The following ATXN7 variants were observed in gnomAD, a reference collection of about 807,000 sequenced individuals.
ATXN7 encodes the protein ataxin 7, also known as ataxin-7.
In ATXN7, 12 loss-of-function variants were observed where a neutral mutation model predicts 70.5. The observed-to-expected ratio is 0.17, with a 90% CI of 0.11 to 0.28. The LOEUF is 0.28. Among genes scored for constraint, ATXN7 ranks in the 10% least tolerant of loss-of-function variants. ATXN7 has a pLI of 1.00. For synonymous variants in ATXN7, 498 were observed against 448.7 expected, an observed-to-expected ratio of 1.11 and a Z score of -1.39; for missense variants, 1,256 against 1,131.7, an observed-to-expected ratio of 1.11 and a Z score of -1.58.
At chr3:63,879,442 T>C (rs982249877) in intron 1 of ATXN7, among the ~76,000 whole-genome samples, 12 of 152,022 alleles carry the variant, frequency 7.9e-5, no homozygotes, top group Non-Finnish European at 1.6e-4. Flanking sequence ...AAGGTTAAGG[T>C]GCAAAAGGAA....
intron 4 of ATXN7, among the ~76,000 whole-genome samples, chr3:63,931,518 A>G (rs763927469): frequency 4.6e-5 from 7 of 152,212 alleles, no homozygotes; most frequent in African/African-American, 1.4e-4. Flanking sequence ...CTCTTGCTAC[A>G]GAGAGCAAAC....
At chr3:63,863,485 G>C (rs1467039855), upstream of ATXN7, 11 of 1,171,104 alleles carry the variant, frequency 9.4e-6, no homozygotes, top group East Asian at 4.1e-4. Context: ...CCAGCCCACC[G>C]ACCACGCTCC....
rs187509340 is a variant in ATXN7 at position 63,868,870 on chromosome 3, T to C, written c.-111+4712T>C. On this transcript the variant is annotated intron_variant, in intron 1 of 12. Transcript: ENST00000674280. ...ACAGGTAACCCAGGGACTTCATGGG[T>C]GGAAGTTACACTTATAACTTTAGTT... Among the ~76,000 whole-genome samples, 3 of 152,314 alleles carry C rather than the reference T, an allele frequency of 2.0e-5. No individual in the cohort carries two copies. The East Asian group carries it at 5.8e-4, about 29-fold the overall frequency.
chr3:63,913,423 G>T (rs1293366235), intron 4 of ATXN7, among the ~76,000 whole-genome samples, 198 bp downstream of exon 4: 3 of 152,142 alleles, frequency 2.0e-5, no homozygotes, highest in Non-Finnish European at 4.4e-5. Context: ...AGAGCGTCCG[G>T]AATCCTTCTG....
At chr3:63,877,368 A>C (rs73832002) in intron 1 of ATXN7, among the ~76,000 whole-genome samples, 78 of 152,380 alleles carry the variant, frequency 5.1e-4, no homozygotes, top group African/African-American at 1.7e-3. Context: ...AGCTGCTTAT[A>C]GAGTTCTCCA....
At chr3:63,983,982 T>C (rs1433461380) in intron 8 of ATXN7, among the ~76,000 whole-genome samples, 1 of 152,148 alleles carries the variant, frequency 6.6e-6, no homozygotes, top group Non-Finnish European at 1.5e-5. Context: ...ATTGTTAGTG[T>C]TTTACTTTAA....
chr3:63,931,907 C>G (rs192224327), intron 4 of ATXN7, among the ~76,000 whole-genome samples: 232 of 152,270 alleles, frequency 1.5e-3, no homozygotes, highest in African/African-American at 5.4e-3. Flanking sequence ...AGGGTGTGGG[C>G]TTTGAAATCA....
intron 4 of ATXN7, among the ~76,000 whole-genome samples, chr3:63,943,685 A>G (rs74322529): frequency 0.024 from 3,587 of 152,266 alleles, 78 homozygotes; most frequent in African/African-American, 0.059. Flanking sequence ...GAGTTCTTCT[A>G]TTCTGTGCCT....
chr3:63,993,132 C>G (rs1162454158), intron 11 of ATXN7, among the ~76,000 whole-genome samples: 2 of 152,306 alleles, frequency 1.3e-5, no homozygotes, highest in Non-Finnish European at 2.9e-5. Flanking sequence ...CCAGCACTTT[C>G]TCTGCAGCAT....
chr3:63,880,098 AAG>A (rs1053648389), intron 1 of ATXN7, among the ~76,000 whole-genome samples: 11 of 152,130 alleles, frequency 7.2e-5, no homozygotes, highest in African/African-American at 2.7e-4. Context: ...AAAAGAAAAA[AAG>A]AACAGATTTT....
At chr3:63,981,386 G>C (rs1292794713) in intron 6 of ATXN7, among the ~76,000 whole-genome samples, 3 of 152,246 alleles carry the variant, frequency 2.0e-5, no homozygotes, top group Non-Finnish European at 4.4e-5. Context: ...AGCTGTTAGA[G>C]CACTGACTCC....
Position 63,936,820 on chromosome 3 carries a change from C to G in ATXN7, c.395-15559C>G, listed in dbSNP as rs1396893435. Among the ~76,000 whole-genome samples, 6 of 152,154 alleles carry G rather than the reference C, an allele frequency of 3.9e-5. No homozygotes were observed. The East Asian group carries it at 1.2e-3, about 29-fold the overall frequency. ...TGAATACAGCTTGATTTTTCTTTAT[C>G]CGTGATTCTACTCAGCCCATATTTT... On this transcript the variant is annotated intron_variant, in intron 4 of 12. Coordinates refer to ENST00000674280, the MANE Select transcript of ATXN7 (RefSeq NM_001377405.1).
intron 4 of ATXN7, among the ~76,000 whole-genome samples, chr3:63,913,902 G>T (rs899408460): frequency 6.6e-6 from 1 of 152,142 alleles, no homozygotes; most frequent in Admixed American, 6.5e-5. Context: ...GTCAGGCCAG[G>T]TATCTGGAAA....
intron 4 of ATXN7, among the ~76,000 whole-genome samples, chr3:63,914,856 A>G (rs1247609761): frequency 7.9e-5 from 12 of 152,322 alleles, no homozygotes; most frequent in Non-Finnish European, 1.5e-5. Context: ...CATGTTTTTC[A>G]TGAAGAACTA....
At chr3:63,986,894 A>C (rs942427476) in intron 8 of ATXN7, among the ~76,000 whole-genome samples, 6 of 152,216 alleles carry the variant, frequency 3.9e-5, no homozygotes, top group Admixed American at 1.3e-4. Flanking sequence ...ATGCACACAC[A>C]CATTTACAAT....
intron 4 of ATXN7, among the ~76,000 whole-genome samples, chr3:63,939,001 A>ATT (rs199874849): frequency 1.1e-4 from 16 of 148,096 alleles, no homozygotes; most frequent in Admixed American, 2.7e-4. Context: ...AATTTTTTTA[A>ATT]TTTTTTTTTT....
chr3:63,992,078 G>A (rs2075680839), intron 11 of ATXN7, among the ~76,000 whole-genome samples: 1 of 152,076 alleles, frequency 6.6e-6, no homozygotes, highest in African/African-American at 2.4e-5. Flanking sequence ...CCTCTGTTTG[G>A]GCATTATTTA....
At chr3:63,917,838 A>C (rs1465583759) in intron 4 of ATXN7, among the ~76,000 whole-genome samples, 1 of 152,166 alleles carries the variant, frequency 6.6e-6, no homozygotes. Context: ...TCAAATGACC[A>C]ATTTTTCATT....
chr3:63,996,310 G>C lies in ATXN7; in HGVS notation c.2488G>C (p.Asp830His). 6.2e-7 allele frequency: 1 copy of C among 1,614,088 alleles called. No individual in the cohort carries two copies. Among genetic ancestry groups the C allele is most frequent in the Non-Finnish European group, 8.5e-7 (1 of 1,180,030 alleles). The change falls in exon 12 of 13, where the codon GAC becomes CAC. Residue 830 changes from aspartate to histidine, a missense_variant. Transcript: ENST00000674280. ...GSFSHSHTPL[D>H]KLIGKKRKCS... Reference sequence around the variant, plus strand: ...TTTTTCCCACTCACACACTCCTCTAGACAAACTCATAGGAAAGAAAAGAAA... The same window carrying C: ...TTTTTCCCACTCACACACTCCTCTACACAAACTCATAGGAAAGAAAAGAAA...
Sources: gnomAD v4.1 joint callset for allele counts (sites outside exome capture counted in the v4.1 genomes callset) on GRCh38, gnomAD v4.1.1 for gene constraint, MANE v1.5 for transcripts, NCBI Gene and HGNC (gene_info 2026-07-23, HGNC 2026-07-21) for gene names.